The following TSGA13 variants were observed in gnomAD, a reference collection of about 807,000 sequenced individuals.
The protein encoded by TSGA13 is testis-specific gene 13 protein.
Under a neutral mutation model 35.1 loss-of-function variants are expected in TSGA13, and 37 were observed. That is an observed-to-expected ratio of 1.05 (90% CI 0.81 to 1.39). The LOEUF (loss-of-function observed/expected upper bound fraction) is 1.39, where lower values mean the gene tolerates loss of function less well. Among genes scored for constraint, TSGA13 ranks in the 40% most tolerant of loss-of-function variants. TSGA13 has a pLI of 0.00. For missense variants in TSGA13, 338 were observed against 328.5 expected, an observed-to-expected ratio of 1.03 and a Z score of -0.22; for synonymous variants, 124 against 121.2, an observed-to-expected ratio of 1.02 and a Z score of -0.15.
chr7:130,669,294 T>C (rs1156635629), intron 7 of TSGA13, 111 bp from the exon 8 acceptor site: 24 of 1,364,208 alleles, frequency 1.8e-5, no homozygotes, highest in African/African-American at 2.9e-5. Flanking sequence ...GGCTGGTCTT[T>C]AGAGGGTAGA....
intron 5 of TSGA13, among the ~76,000 whole-genome samples, chr7:130,678,303 C>G (rs1251453585): frequency 6.6e-6 from 1 of 151,592 alleles, no homozygotes; most frequent in South Asian, 2.1e-4. Context: ...GGCGTGAACC[C>G]GGGAGGCGGA....
Position 130,668,790 on chromosome 7 carries a change from C to G in TSGA13, c.*224G>C. 2.8e-5 allele frequency: 37 copies of G among 1,320,614 alleles called. No homozygotes were observed. Among genetic ancestry groups the G allele is most frequent in the Non-Finnish European group, 3.7e-5 (37 of 987,496 alleles). The allele number at this position is 1,320,614 out of a possible 1,614,324, so 81.8% of individuals were successfully genotyped here. A position where few individuals can be genotyped will look rare whatever the true frequency, so the allele number is the denominator to read the frequency against. On this transcript the variant is annotated 3_prime_UTR_variant, in exon 8 of 8. Coordinates refer to ENST00000356588, the MANE Select transcript of TSGA13 (RefSeq NM_052933.4). ...CACGCCGGTTGGGCCGCCGCGCCTT[C>G]ACTCGGGGCCAAGGCCCGCCCTCCC...
chr7:130,679,311 G>A lies in TSGA13; in HGVS notation c.231C>T (p.Asn77=), dbSNP rs931567946. The change falls in exon 5 of 8, where the codon AAC becomes AAT. Residue 77 remains asparagine (N), a synonymous_variant. Coordinates refer to ENST00000356588, the MANE Select transcript of TSGA13 (RefSeq NM_052933.4). ...TTAACATGAAGCTGGTGTTTTTCCT[G>A]TTTTGAGCCAGGAATTTCTGCAGGG... ...ATALQKFLAQ[N]RKNTSFMLKV... 15 of 1,613,992 alleles carry A rather than the reference G, an allele frequency of 9.3e-6. No individual in the cohort carries two copies. Among genetic ancestry groups the A allele is most frequent in the African/African-American group, 6.7e-5 (5 of 74,924 alleles).
chr7:130,679,443 C>T, intron 4 of TSGA13, 76 bp from the exon 5 acceptor site: 2 of 1,282,442 alleles, frequency 1.6e-6, no homozygotes, highest in South Asian at 2.8e-5. Context: ...TTGGCTGATA[C>T]TTAGCCTCTG....
Position 130,671,698 on chromosome 7 carries a change from G to A in TSGA13, c.621C>T (p.Thr207=). The A allele has an allele frequency of 6.2e-7, 1 of 1,606,434 alleles. No individual in the cohort carries two copies. Among genetic ancestry groups the A allele is most frequent in the Non-Finnish European group, 8.5e-7 (1 of 1,175,186 alleles). ...TATCTCTCTCATGGACTGGAGCAAA[G>A]GTGAGCTGAGGGTACATTTTCTTCT... The part of the protein sequence containing the change: ...RTQKKMYPQL[T]FAPVHERDMR... Residue 207 remains threonine, a synonymous_variant, in exon 7 of 8, where the codon ACC becomes ACT. Transcript: ENST00000356588.
chr7:130,676,156 A>C (rs1796406845), intron 5 of TSGA13, among the ~76,000 whole-genome samples: 1 of 152,244 alleles, frequency 6.6e-6, no homozygotes, highest in Admixed American at 6.5e-5. Flanking sequence ...CTTTTCTTGT[A>C]AATGATTCTA....
At chr7:130,669,455 A>G (rs914462876) in intron 7 of TSGA13, among the ~76,000 whole-genome samples, 1 of 152,214 alleles carries the variant, frequency 6.6e-6, no homozygotes, top group Non-Finnish European at 1.5e-5. Flanking sequence ...CCATATTGAC[A>G]CTTAAGAAAC....
intron 3 of TSGA13, 125 bp downstream of exon 3, chr7:130,683,469 T>C: frequency 1.3e-6 from 1 of 778,350 alleles, no homozygotes; most frequent in Non-Finnish European, 2.0e-6. Flanking sequence ...GTTAACCTTG[T>C]TTTCCATATA....
intron 3 of TSGA13, among the ~76,000 whole-genome samples, chr7:130,681,230 C>T (rs191639620): frequency 3.8e-4 from 58 of 152,238 alleles, no homozygotes; most frequent in African/African-American, 1.2e-3. Flanking sequence ...ACCTCCTGAC[C>T]GTGACACTTG....
rs1796173803 is a variant in TSGA13 at position 130,668,907 on chromosome 7, C to T, written c.*107G>A. 6.8e-6 allele frequency: 10 copies of T among 1,481,368 alleles called. No homozygotes were observed. The highest frequency in any genetic ancestry group is 2.5e-4 in the Middle Eastern group (1 of 3,950). 91.8% of individuals were successfully genotyped at this position (1,481,368 alleles called of 1,614,324 possible). A position where few individuals can be genotyped will look rare whatever the true frequency, so the allele number is the denominator to read the frequency against. ...GGCTCGACCCTCCCGGCTTGCGACC[C>T]GGGAGCCCACGCCCGCAGCAGCAGG... On this transcript the variant is annotated 3_prime_UTR_variant, in exon 8 of 8. Coordinates refer to ENST00000356588, the MANE Select transcript of TSGA13 (RefSeq NM_052933.4).
At chr7:130,672,658 G>A in intron 6 of TSGA13, 76 bp downstream of exon 6, 1 of 1,554,304 alleles carries the variant, frequency 6.4e-7, no homozygotes, top group South Asian at 1.2e-5. Context: ...TCATTAAATT[G>A]TATGGCAAAG....
At chr7:130,670,726 C>G (rs6947562) in intron 7 of TSGA13, among the ~76,000 whole-genome samples, 29,627 of 152,034 alleles carry the variant, frequency 0.19, 3,076 homozygotes, top group Middle Eastern at 0.25. Context: ...TTCAAGCAAT[C>G]CTCCTTCCTC....
chr7:130,671,913 A>T, intron 6 of TSGA13, 125 bp from the exon 7 acceptor site: 1 of 728,932 alleles, frequency 1.4e-6, no homozygotes, highest in Non-Finnish European at 1.7e-6. Context: ...ATTTTGAGAC[A>T]CAAGTCTTGT....
At chr7:130,683,411 T>C (rs1333110143) in intron 3 of TSGA13, among the ~76,000 whole-genome samples, 183 bp downstream of exon 3, 5 of 152,252 alleles carry the variant, frequency 3.3e-5, no homozygotes, top group Admixed American at 3.3e-4. Flanking sequence ...TGATGTGTCC[T>C]GTTCCTTCTT....
At chr7:130,675,389 G>A (rs2116309980) in intron 5 of TSGA13, among the ~76,000 whole-genome samples, 2 of 144,702 alleles carry the variant, frequency 1.4e-5, no homozygotes, top group South Asian at 4.4e-4. Context: ...TTTGGGGGGG[G>A]TGGGGTGGGG....
At chr7:130,680,366 C>T (rs1480447938) in intron 4 of TSGA13, among the ~76,000 whole-genome samples, 5 of 152,076 alleles carry the variant, frequency 3.3e-5, no homozygotes, top group African/African-American at 9.6e-5. Flanking sequence ...ATTAGCCAGG[C>T]GTAGTGGGGG....
chr7:130,671,917 G>A, intron 6 of TSGA13, 129 bp from the exon 7 acceptor site: 1 of 695,672 alleles, frequency 1.4e-6, no homozygotes, highest in Non-Finnish European at 1.8e-6. Context: ...TGAGACACAA[G>A]TCTTGTTCTG....
At chr7:130,677,896 G>T (rs1388962817) in intron 5 of TSGA13, among the ~76,000 whole-genome samples, 1 of 151,862 alleles carries the variant, frequency 6.6e-6, no homozygotes, top group Non-Finnish European at 1.5e-5. Context: ...TCTGTATTTT[G>T]TATATTCTTC....
At chr7:130,685,039 C>T (rs1034882858) in intron 2 of TSGA13, 149 bp downstream of exon 2, 22 of 836,846 alleles carry the variant, frequency 2.6e-5, no homozygotes, top group Non-Finnish European at 3.4e-5. Flanking sequence ...GACCAAGATC[C>T]GGTTTTTGAT....
Sources: gnomAD v4.1 joint callset for allele counts (sites outside exome capture counted in the v4.1 genomes callset) on GRCh38, gnomAD v4.1.1 for gene constraint, MANE v1.5 for transcripts, NCBI Gene and HGNC (gene_info 2026-07-23, HGNC 2026-07-21) for gene names.